TMC5: variants seen among roughly 807,000 people sequenced by gnomAD.
The protein encoded by TMC5 is transmembrane channel-like protein 5.
TMC5 carries 86 observed loss-of-function variants against 110.5 expected under a neutral mutation model. The ratio of observed to expected loss-of-function variants is 0.78; its 90% CI spans 0.65 to 0.93. The LOEUF is 0.93. Among genes scored for constraint, TMC5 ranks in the 40% least tolerant of loss-of-function variants. TMC5 has a pLI of 0.00. For missense variants in TMC5, 1,144 were observed against 1,222.8 expected, an observed-to-expected ratio of 0.94 and a Z score of 0.96; for synonymous variants, 455 against 439.5, an observed-to-expected ratio of 1.04 and a Z score of -0.44.
At chr16:19,478,667 C>T (rs1968544055) in intron 13 of TMC5, among the ~76,000 whole-genome samples, 1 of 152,122 alleles carries the variant, frequency 6.6e-6, no homozygotes, top group Admixed American at 6.5e-5. Context: ...TCTAACCATC[C>T]ATCCATTTAT....
intron 2 of TMC5, among the ~76,000 whole-genome samples, chr16:19,431,100 A>G (rs1347512897): frequency 6.6e-6 from 1 of 152,188 alleles, no homozygotes; most frequent in Non-Finnish European, 1.5e-5. Context: ...CTTCTGTAGA[A>G]TCATTTTCAT....
chr16:19,426,162 TTAAC>T (rs1216283780), intron 1 of TMC5, among the ~76,000 whole-genome samples: 6 of 152,238 alleles, frequency 3.9e-5, no homozygotes, highest in Non-Finnish European at 7.3e-5. Context: ...TAATACTTGT[TTAAC>T]TAAGCATTAT....
Position 19,486,994 on chromosome 16 carries a change from C to A in TMC5, c.2413C>A (p.Leu805Ile). Residue 805 changes from leucine (L) to isoleucine (I), a missense_variant, in exon 16 of 22, where the codon CTT becomes ATT. Coordinates refer to ENST00000542583, the MANE Select transcript of TMC5 (RefSeq NM_001261841.2). The stretch of plus-strand genomic sequence containing the variant: ...GCTGCCCTTTATCCAAATGATTATG[C>A]TTTTCATCATGTTCTACTCCAAAAA... ...PLLPFIQMIM[L>I]FIMFYSKNIS... 1 of 1,614,098 alleles carries A rather than the reference C, an allele frequency of 6.2e-7. No homozygotes were observed.
chr16:19,424,735 G>C (rs963069947), intron 1 of TMC5, among the ~76,000 whole-genome samples: 14 of 152,322 alleles, frequency 9.2e-5, no homozygotes, highest in African/African-American at 3.1e-4. Flanking sequence ...CCCAAGTTCA[G>C]GAGCTTCTGT....
At position 19,462,618 on chromosome 16, in the gene TMC5, G is replaced by A. The variant is rs148662570; in HGVS notation, c.1149-662G>A. 3.7e-3 allele frequency: 2,482 copies of A among 676,798 alleles called. 53 individuals are homozygous for A. In the African/African-American group the frequency reaches 0.038, roughly 10 times the overall value. 41.9% of individuals were successfully genotyped at this position (676,798 alleles called of 1,614,324 possible). On this transcript the variant is annotated intron_variant, in intron 6 of 21. Coordinates refer to ENST00000542583, the MANE Select transcript of TMC5 (RefSeq NM_001261841.2). ...CTGCCCTTTATAAAACCATCAGATCGGCTGGGTGTGGTGGCTCATGCCTGT... is the reference window on the plus strand; with the variant it reads ...CTGCCCTTTATAAAACCATCAGATCAGCTGGGTGTGGTGGCTCATGCCTGT...
intron 1 of TMC5, among the ~76,000 whole-genome samples, chr16:19,426,859 A>G (rs1967096945): frequency 6.6e-6 from 1 of 152,010 alleles, no homozygotes; most frequent in Non-Finnish European, 1.5e-5. Context: ...TGATTCTTAA[A>G]CTTTGGCGCA....
intron 1 of TMC5, among the ~76,000 whole-genome samples, chr16:19,430,032 A>G (rs1489543455): frequency 1.3e-5 from 2 of 152,146 alleles, no homozygotes; most frequent in African/African-American, 2.4e-5. Flanking sequence ...AACTCAACTC[A>G]TAACAGTGGT....
intron 11 of TMC5, 78 bp from the exon 12 acceptor site, chr16:19,474,047 C>T: frequency 7.0e-7 from 1 of 1,419,972 alleles, no homozygotes; most frequent in Non-Finnish European, 9.5e-7. Flanking sequence ...GGTTTTCTAT[C>T]ATGGGAGACT....
At chr16:19,437,635 C>CATT (rs1188529337) in intron 2 of TMC5, among the ~76,000 whole-genome samples, 1 of 152,160 alleles carries the variant, frequency 6.6e-6, no homozygotes, top group East Asian at 1.9e-4. Flanking sequence ...GTTCTACTTC[C>CATT]TTATTTCAAA....
intron 5 of TMC5, among the ~76,000 whole-genome samples, chr16:19,459,341 A>G (rs1371897205): frequency 2.0e-5 from 3 of 152,132 alleles, no homozygotes; most frequent in Non-Finnish European, 4.4e-5. Flanking sequence ...CATCTGCCAC[A>G]TTGACTGCAA....
chr16:19,431,005 C>T (rs914028999), intron 2 of TMC5, among the ~76,000 whole-genome samples: 9 of 151,804 alleles, frequency 5.9e-5, no homozygotes, highest in Non-Finnish European at 1.0e-4. Context: ...ATTACAGGCA[C>T]GCGCCACAAC....
At chr16:19,465,940 G>GT (rs1334899870) in intron 8 of TMC5, 142 bp from the exon 9 acceptor site, 2 of 769,270 alleles carry the variant, frequency 2.6e-6, no homozygotes, top group Non-Finnish European at 3.9e-6. Flanking sequence ...CAAATTCTCA[G>GT]TGCCCCTTTC....
intron 6 of TMC5, chr16:19,462,370 C>T (rs1037090796): frequency 1.8e-6 from 1 of 567,848 alleles, no homozygotes; most frequent in South Asian, 2.1e-5. Flanking sequence ...CAGACATTGC[C>T]AATTGTGTGG....
intron 7 of TMC5, 90 bp from the exon 8 acceptor site, chr16:19,463,686 A>G: frequency 6.8e-7 from 1 of 1,467,216 alleles, no homozygotes; most frequent in Non-Finnish European, 9.3e-7. Flanking sequence ...TACTCCAGAC[A>G]TGGTGGCTGT....
rs1020831453 is a variant in TMC5, at chr16:19,464,103, C to T, written c.1485+79C>T. Reference sequence around the variant, plus strand: ...GGACGTGCCTTGCCGGTCACCCACTCACACCTCTCATTTTGCCTGGGGGTC... The same window carrying T: ...GGACGTGCCTTGCCGGTCACCCACTTACACCTCTCATTTTGCCTGGGGGTC... On this transcript the variant is annotated intron_variant, in intron 8 of 21. Transcript: ENST00000542583. 3 of 1,496,462 alleles carry T rather than the reference C, an allele frequency of 2.0e-6. No individual in the cohort carries two copies. In the Admixed American group the frequency reaches 5.9e-5, roughly 30 times the overall value. The allele number at this position is 1,496,462 out of a possible 1,614,324, so 92.7% of individuals were successfully genotyped here.
intron 1 of TMC5, among the ~76,000 whole-genome samples, chr16:19,430,057 C>T (rs1004492597): frequency 1.3e-5 from 2 of 152,112 alleles, no homozygotes; most frequent in African/African-American, 2.4e-5. Flanking sequence ...GTATGAACAG[C>T]ATATGCCCTG....
intron 2 of TMC5, among the ~76,000 whole-genome samples, chr16:19,434,250 AATAT>A (rs1291940965): frequency 4.0e-5 from 2 of 50,072 alleles, no homozygotes; most frequent in Non-Finnish European, 5.8e-5. Context: ...ATCTATCTAA[AATAT>A]ATATATCTAT....
At chr16:19,464,679 T>C (rs1383361558) in intron 8 of TMC5, among the ~76,000 whole-genome samples, 2 of 152,174 alleles carry the variant, frequency 1.3e-5, no homozygotes, top group South Asian at 4.1e-4. Flanking sequence ...CATTTTCTTG[T>C]GTTGGTGTTT....
chr16:19,461,943 T>C (rs12924813), intron 6 of TMC5, among the ~76,000 whole-genome samples: 85,381 of 151,980 alleles, frequency 0.56, 27,444 homozygotes, highest in Non-Finnish European at 0.7. Flanking sequence ...CTGCCCTCCC[T>C]GACTTTGCTG....
Sources: gnomAD v4.1 joint callset for allele counts (sites outside exome capture counted in the v4.1 genomes callset) on GRCh38, gnomAD v4.1.1 for gene constraint, MANE v1.5 for transcripts, NCBI Gene and HGNC (gene_info 2026-07-23, HGNC 2026-07-21) for gene names.